Variants in RIMS2 observed in about 807,000 individuals in gnomAD.
RIMS2 encodes the protein regulating synaptic membrane exocytosis protein 2.
In RIMS2, 59 loss-of-function variants were observed where a neutral mutation model predicts 174.4. The observed-to-expected ratio is 0.34, with a 90% CI of 0.27 to 0.42. RIMS2 has a LOEUF of 0.42. Ranked by LOEUF, RIMS2 falls within the 10% of genes least tolerant of loss-of-function variation. The pLI, the probability that RIMS2 is intolerant of heterozygous loss-of-function variation, is 1.00. For synonymous variants in RIMS2, 606 were observed against 572.5 expected, an observed-to-expected ratio of 1.06 and a Z score of -0.84; for missense variants, 1,620 against 1,666.3, an observed-to-expected ratio of 0.97 and a Z score of 0.48.
At chr8:104,250,200 A>T (rs1473428040) in intron 22 of RIMS2, among the ~76,000 whole-genome samples, 1 of 150,068 alleles carries the variant, frequency 6.7e-6, no homozygotes, top group South Asian at 2.1e-4. Context: ...GTTTGATAAG[A>T]TGTATAAAAC....
chr8:104,044,128 G>T (rs534339772), intron 19 of RIMS2, among the ~76,000 whole-genome samples: 1 of 151,518 alleles, frequency 6.6e-6, no homozygotes, highest in Non-Finnish European at 1.5e-5. Context: ...TTCATGATAC[G>T]AAAGGAAATG....
At chr8:103,514,443 G>A (rs144497256) in intron 1 of RIMS2, among the ~76,000 whole-genome samples, 1 of 152,270 alleles carries the variant, frequency 6.6e-6, no homozygotes, top group Non-Finnish European at 1.5e-5. Context: ...AAGATTGGGG[G>A]CATCTACATG....
At chr8:103,912,331 C>T (rs2075828481) in intron 6 of RIMS2, among the ~76,000 whole-genome samples, 159 bp downstream of exon 9, 1 of 152,016 alleles carries the variant, frequency 6.6e-6, no homozygotes, top group East Asian at 1.9e-4. Context: ...ATTTCATTTT[C>T]CCACTATTAT....
intron 2 of RIMS2, among the ~76,000 whole-genome samples, chr8:103,736,549 C>A (rs757420860): frequency 6.6e-6 from 1 of 152,152 alleles, no homozygotes; most frequent in Non-Finnish European, 1.5e-5. Context: ...GTTTCTTTTA[C>A]CCTTACCTTG....
chr8:103,618,136 TC>T lies in RIMS2; in HGVS notation c.177-78948del, dbSNP rs373179516. ...GATAAAGAAAATGTGGTACACATAC[TC>T]CATGGAATATTATGTAGCCATGAAA... On this transcript the variant is annotated intron_variant, in intron 1 of 23. Transcript: ENST00000504942. Among the ~76,000 whole-genome samples the T allele has an allele frequency of 1.6e-3, 240 of 152,194 alleles. 2 individuals are homozygous for T. The highest frequency in any genetic ancestry group is 5.2e-3 in the African/African-American group (218 of 41,552).
At chr8:103,992,274 ATTTTT>A (rs1186537194) in intron 17 of RIMS2, among the ~76,000 whole-genome samples, 23 of 107,068 alleles carry the variant, frequency 2.1e-4, no homozygotes, top group South Asian at 1.4e-3. Context: ...ATGTCCAGCT[ATTTTT>A]TTTTTTTTTT....
At chr8:104,028,023 T>A (rs975832103) in intron 19 of RIMS2, among the ~76,000 whole-genome samples, 7 of 152,066 alleles carry the variant, frequency 4.6e-5, no homozygotes, top group Non-Finnish European at 8.8e-5. Flanking sequence ...CTTGACCTCC[T>A]GGGCTCAACT....
At chr8:103,889,434 C>T (rs2099228226) in intron 4 of RIMS2, among the ~76,000 whole-genome samples, 1 of 151,542 alleles carries the variant, frequency 6.6e-6, no homozygotes, top group African/African-American at 2.4e-5. Flanking sequence ...CAAAAATATG[C>T]AAGGCAAATT....
intron 1 of RIMS2, among the ~76,000 whole-genome samples, chr8:103,572,329 C>T (rs908284545): frequency 6.6e-6 from 1 of 152,146 alleles, no homozygotes; most frequent in African/African-American, 2.4e-5. Context: ...TTTTTATTCC[C>T]TTATTTGGCC....
At chr8:103,647,820 A>G (rs907002154) in intron 1 of RIMS2, among the ~76,000 whole-genome samples, 1 of 143,760 alleles carries the variant, frequency 7.0e-6, no homozygotes, top group African/African-American at 2.6e-5. Flanking sequence ...TTTCTTTTTT[A>G]TTAGTCTTAC....
At chr8:104,130,956 AAGG>A (rs1463242831) in intron 19 of RIMS2, among the ~76,000 whole-genome samples, 2 of 152,176 alleles carry the variant, frequency 1.3e-5, no homozygotes, top group Admixed American at 6.5e-5. Context: ...GGGAAAAGAG[AAGG>A]AGGTGAAGTC....
chr8:103,793,775 C>G (rs892746866), intron 3 of RIMS2, among the ~76,000 whole-genome samples: 1 of 151,966 alleles, frequency 6.6e-6, no homozygotes, highest in Non-Finnish European at 1.5e-5. Flanking sequence ...ACAAGCATTC[C>G]TATACACCAA....
At chr8:104,126,164 A>G (rs2098427270) in intron 19 of RIMS2, among the ~76,000 whole-genome samples, 1 of 152,204 alleles carries the variant, frequency 6.6e-6, no homozygotes, top group Non-Finnish European at 1.5e-5. Context: ...AGCAAGTCTA[A>G]TTTTATTTAC....
At chr8:103,569,207 T>C (rs1442250788) in intron 1 of RIMS2, among the ~76,000 whole-genome samples, 2 of 152,216 alleles carry the variant, frequency 1.3e-5, no homozygotes, top group African/African-American at 4.8e-5. Flanking sequence ...GGAGTTAATT[T>C]TATATGATGT....
chr8:103,851,503 T>C (rs1265411325), intron 3 of RIMS2, among the ~76,000 whole-genome samples: 1 of 151,870 alleles, frequency 6.6e-6, no homozygotes, highest in Non-Finnish European at 1.5e-5. Flanking sequence ...AGATTTCAAA[T>C]ATATGACTAA....
chr8:103,975,289 A>T, intron 15 of RIMS2, 61 bp from the exon 18 acceptor site: 1 of 1,138,684 alleles, frequency 8.8e-7, no homozygotes, highest in Non-Finnish European at 1.3e-6. Flanking sequence ...AGTAAAGTAG[A>T]AGAGACGCAA....
intron 1 of RIMS2, among the ~76,000 whole-genome samples, chr8:103,554,216 T>G (rs1849391080): frequency 6.6e-6 from 1 of 152,046 alleles, no homozygotes; most frequent in Non-Finnish European, 1.5e-5. Flanking sequence ...AAAGTACTTC[T>G]GCATAGCAAA....
rs1464111098 is a variant in RIMS2, at chr8:104,135,310, A to G, written c.3335-109606A>G. 2.6e-5 allele frequency among the ~76,000 whole-genome samples: 4 copies of G among 152,058 alleles called. No individual in the cohort carries two copies. In the East Asian group the frequency reaches 7.7e-4, roughly 29 times the overall value. ...TACTGAATTTTTTTCAAGAATGCTG[A>G]TATGGGCCAGGCATGGTGGTTCATG... On this transcript the variant is annotated intron_variant, in intron 19 of 23. Transcript: ENST00000504942.
At chr8:103,988,973 T>C (rs2094527755) in intron 16 of RIMS2, among the ~76,000 whole-genome samples, 1 of 152,208 alleles carries the variant, frequency 6.6e-6, no homozygotes, top group African/African-American at 2.4e-5. Context: ...AATCTTCTCC[T>C]CTTGAGTATA....
Sources: gnomAD v4.1 joint callset for allele counts (sites outside exome capture counted in the v4.1 genomes callset) on GRCh38, gnomAD v4.1.1 for gene constraint, MANE v1.5 for transcripts, NCBI Gene and HGNC (gene_info 2026-07-23, HGNC 2026-07-21) for gene names.